The following SPSB1 variants were observed in gnomAD, a reference collection of about 807,000 sequenced individuals.
SPSB1 encodes splA/ryanodine receptor domain and SOCS box containing 1.
A neutral mutation model predicts 21.2 loss-of-function variants in SPSB1; 8 were observed. The observed-to-expected ratio is 0.38, with a 90% CI of 0.22 to 0.68. The LOEUF is 0.68. Among genes scored for constraint, SPSB1 ranks in the 30% least tolerant of loss-of-function variants. The probability of loss-of-function intolerance (pLI) is 0.53; values close to 1 mark genes in which losing one functional copy is unlikely to be tolerated. For synonymous variants in SPSB1, 169 were observed against 161.7 expected (o/e 1.05, Z -0.34); for missense variants, 242 against 377.8 (o/e 0.64, Z 2.98).
chr1:9,298,541 C>A (rs1255516941), intron 1 of SPSB1, among the ~76,000 whole-genome samples: 2 of 152,210 alleles, frequency 1.3e-5, no homozygotes, highest in African/African-American at 4.8e-5. Context: ...ATTAATTTTT[C>A]TCCTAGCCTT....
intron 1 of SPSB1, among the ~76,000 whole-genome samples, chr1:9,313,952 G>C (rs1639566318): frequency 6.6e-6 from 1 of 152,212 alleles, no homozygotes; most frequent in Admixed American, 6.5e-5. Context: ...TAGGCGGGCG[G>C]ATCACTTGAG....
intron 1 of SPSB1, among the ~76,000 whole-genome samples, chr1:9,342,712 A>G (rs546602730): frequency 1.3e-5 from 2 of 152,228 alleles, no homozygotes; most frequent in South Asian, 2.1e-4. Flanking sequence ...TCCGAGATGC[A>G]GGCACACATC....
At chr1:9,318,193 C>T (rs1639645302) in intron 1 of SPSB1, among the ~76,000 whole-genome samples, 1 of 152,238 alleles carries the variant, frequency 6.6e-6, no homozygotes, top group Non-Finnish European at 1.5e-5. Flanking sequence ...TGGGTGTGGG[C>T]ACCCGGAGGC....
intron 1 of SPSB1, among the ~76,000 whole-genome samples, chr1:9,349,221 G>T (rs2100508870): frequency 6.6e-6 from 1 of 152,348 alleles, no homozygotes; most frequent in Admixed American, 6.5e-5. Context: ...CGGCTCTGAG[G>T]GTCCGGGCCA....
intron 1 of SPSB1, among the ~76,000 whole-genome samples, chr1:9,306,914 CTTTTCTTCTT>C (rs1302527997): frequency 3.4e-4 from 28 of 83,462 alleles, no homozygotes; most frequent in South Asian, 1.1e-3. Flanking sequence ...TTTTCTTTTA[CTTTTCTTCTT>C]TTCTTCTTTT....
chr1:9,328,481 T>G (rs1639855644), intron 1 of SPSB1, among the ~76,000 whole-genome samples: 1 of 152,238 alleles, frequency 6.6e-6, no homozygotes, highest in African/African-American at 2.4e-5. Flanking sequence ...TTCAAATGCC[T>G]TAAGAATCCG....
In SPSB1 at chr1:9,348,197, G is replaced by A. The variant is rs1266805646; in HGVS notation, c.-149-7546G>A. 2.6e-5 allele frequency among the ~76,000 whole-genome samples: 4 copies of A among 151,764 alleles called. No individual in the cohort carries two copies. The highest frequency in any genetic ancestry group is 2.1e-4 in the South Asian group (1 of 4,794). ...TGACCTCAGGTGATCTGCCCACCTCGGCCTCTCAAAGTGCTGGGATTACAG... is the reference window on the plus strand; with the variant it reads ...TGACCTCAGGTGATCTGCCCACCTCAGCCTCTCAAAGTGCTGGGATTACAG... On this transcript the variant is annotated intron_variant, in intron 1 of 2. Transcript: ENST00000328089. This position sits in a 1 kb window ranked among gnomAD's most constrained non-coding sequence, Gnocchi z 4.8.
chr1:9,350,885 G>A (rs1458340875), intron 1 of SPSB1, among the ~76,000 whole-genome samples: 1 of 152,228 alleles, frequency 6.6e-6, no homozygotes, highest in Non-Finnish European at 1.5e-5. Flanking sequence ...GAGCTGTGCT[G>A]TTCTCCCAGC....
chr1:9,361,160 T>TCC (rs1640469261), intron 2 of SPSB1, among the ~76,000 whole-genome samples: 3 of 110,940 alleles, frequency 2.7e-5, no homozygotes, highest in Admixed American at 9.2e-5. Context: ...CATTTTCTTT[T>TCC]TTTTTTTTTT....
intron 1 of SPSB1, among the ~76,000 whole-genome samples, chr1:9,319,968 C>G (rs890856294): frequency 1.3e-5 from 2 of 152,078 alleles, no homozygotes; most frequent in Non-Finnish European, 2.9e-5. Context: ...CAGGCCTGGT[C>G]CCTGGGGTCA....
intron 1 of SPSB1, among the ~76,000 whole-genome samples, chr1:9,344,768 G>A (rs1640144308): frequency 6.6e-6 from 1 of 152,074 alleles, no homozygotes; most frequent in African/African-American, 2.4e-5. Flanking sequence ...CGTAGGCTGG[G>A]TGGTGGCCCC....
chr1:9,307,003 C>T (rs1639425050), intron 1 of SPSB1, among the ~76,000 whole-genome samples: 1 of 151,330 alleles, frequency 6.6e-6, no homozygotes, highest in Non-Finnish European at 1.5e-5. Context: ...TCTCAGCTCA[C>T]TGCAGCCTCC....
chr1:9,338,583 T>A (rs1288712171), intron 1 of SPSB1, among the ~76,000 whole-genome samples: 1 of 152,240 alleles, frequency 6.6e-6, no homozygotes, highest in East Asian at 1.9e-4. Flanking sequence ...GAGTTTCTGT[T>A]CATTTCAGGA....
At chr1:9,362,461 C>T (rs1334756985) in intron 2 of SPSB1, among the ~76,000 whole-genome samples, 4 of 152,254 alleles carry the variant, frequency 2.6e-5, no homozygotes, top group South Asian at 2.1e-4. Context: ...CCACCCGACC[C>T]GTGACATTCT....
intron 1 of SPSB1, chr1:9,339,316 G>T (rs912075889): frequency 6.1e-6 from 6 of 984,400 alleles, no homozygotes; most frequent in Middle Eastern, 5.2e-4. Context: ...CCACATGTGG[G>T]TGGTCTCGGG....
intron 1 of SPSB1, among the ~76,000 whole-genome samples, chr1:9,306,888 C>A (rs1043332672): frequency 6.6e-6 from 1 of 151,064 alleles, no homozygotes; most frequent in Non-Finnish European, 1.5e-5. Flanking sequence ...GTGACATTGG[C>A]TAATTAGGGT....
chr1:9,326,406 G>A (rs917191003), intron 1 of SPSB1, among the ~76,000 whole-genome samples: 6 of 152,222 alleles, frequency 3.9e-5, no homozygotes, highest in Admixed American at 1.3e-4. Context: ...GTCAGTGGGT[G>A]GTGTCGGAGG....
intron 1 of SPSB1, among the ~76,000 whole-genome samples, chr1:9,295,500 T>C (rs1212321767): frequency 6.6e-6 from 1 of 152,186 alleles, no homozygotes; most frequent in Admixed American, 6.5e-5. Flanking sequence ...GATGTCACTT[T>C]GGAGCTGGGT....
intron 1 of SPSB1, among the ~76,000 whole-genome samples, chr1:9,322,820 G>A (rs1303557749): frequency 2.6e-5 from 4 of 152,190 alleles, no homozygotes; most frequent in East Asian, 3.9e-4. Flanking sequence ...CAGCCCTGAC[G>A]TGTAGGGAAG....
Sources: allele counts gnomAD v4.1 joint callset (sites outside exome capture counted in the v4.1 genomes callset), GRCh38; gene constraint gnomAD v4.1.1; non-coding constraint Gnocchi (gnomAD v3.1); transcripts MANE v1.5; gene names NCBI Gene and HGNC (gene_info 2026-07-23, HGNC 2026-07-21).